KCND2: variants seen among roughly 807,000 people sequenced by gnomAD.
KCND2 encodes A-type voltage-gated potassium channel KCND2.
A neutral mutation model predicts 54.4 loss-of-function variants in KCND2; 16 were observed. The ratio of observed to expected loss-of-function variants is 0.29; its 90% CI spans 0.20 to 0.45. KCND2 has a LOEUF of 0.45. KCND2 is among the 20% of genes least tolerant of loss of function. The probability of loss-of-function intolerance (pLI) is 1.00; values close to 1 mark genes in which losing one functional copy is unlikely to be tolerated. For missense variants in KCND2, 486 were observed against 824.2 expected, an observed-to-expected ratio of 0.59 and a Z score of 5.02; for synonymous variants, 317 against 310.7, an observed-to-expected ratio of 1.02 and a Z score of -0.21.
intron 1 of KCND2, among the ~76,000 whole-genome samples, chr7:120,539,911 A>G (rs974493532): frequency 6.6e-6 from 1 of 152,194 alleles, no homozygotes; most frequent in Non-Finnish European, 1.5e-5. Flanking sequence ...TACAATAACT[A>G]GGTATCCCAG....
chr7:120,522,574 GT>G (rs1791712308), intron 1 of KCND2, among the ~76,000 whole-genome samples: 1 of 152,144 alleles, frequency 6.6e-6, no homozygotes, highest in African/African-American at 2.4e-5. Context: ...TGATTACCAT[GT>G]AAGTTGTTCA....
chr7:120,735,936 G>GA lies in KCND2; in HGVS notation c.1278+2879dup, dbSNP rs544746126. ...ATTTTCCTTCCCAAGAGATTAGGGG[G>GA]AAAAAAAAGCAGAACAAACGCCCAT... On this transcript the variant is annotated intron_variant, in intron 2 of 5. Transcript: ENST00000331113. 9.2e-5 allele frequency among the ~76,000 whole-genome samples: 14 copies of GA among 151,772 alleles called. No individual in the cohort carries two copies. In the South Asian group the frequency reaches 2.3e-3, roughly 25 times the overall value.
intron 1 of KCND2, among the ~76,000 whole-genome samples, chr7:120,580,264 C>T (rs1249037490): frequency 1.3e-5 from 2 of 152,300 alleles, no homozygotes; most frequent in African/African-American, 4.8e-5. Flanking sequence ...GAGAACAACT[C>T]GTTATCCAAC....
chr7:120,470,586 T>C (rs1188433912), intron 1 of KCND2, among the ~76,000 whole-genome samples: 1 of 152,066 alleles, frequency 6.6e-6, no homozygotes, highest in African/African-American at 2.4e-5. Flanking sequence ...ACTATCTGCT[T>C]TGTTGTTGTT....
At chr7:120,463,684 G>A (rs552823559) in intron 1 of KCND2, among the ~76,000 whole-genome samples, 3 of 152,070 alleles carry the variant, frequency 2.0e-5, no homozygotes, top group Admixed American at 6.6e-5. Context: ...AGCAAAGGAG[G>A]CATCTTTGAT....
intron 1 of KCND2, among the ~76,000 whole-genome samples, chr7:120,591,580 T>G (rs560748199): frequency 6.6e-6 from 1 of 152,228 alleles, no homozygotes; most frequent in South Asian, 2.1e-4. Context: ...GTACATGTAC[T>G]CAACTACCTT....
At chr7:120,551,883 A>G (rs191427709) in intron 1 of KCND2, among the ~76,000 whole-genome samples, 63 of 152,288 alleles carry the variant, frequency 4.1e-4, no homozygotes, top group African/African-American at 1.5e-3. Context: ...CTTTGCCTCT[A>G]GTAGCCTCTG....
At chr7:120,564,956 C>A (rs1173997774) in intron 1 of KCND2, among the ~76,000 whole-genome samples, 1 of 152,122 alleles carries the variant, frequency 6.6e-6, no homozygotes, top group Non-Finnish European at 1.5e-5. Context: ...TTGAATATAC[C>A]TACTCATGTA....
At chr7:120,503,641 G>C (rs1802970514) in intron 1 of KCND2, among the ~76,000 whole-genome samples, 1 of 151,778 alleles carries the variant, frequency 6.6e-6, no homozygotes, top group East Asian at 1.9e-4. Context: ...ATGAAAGCTT[G>C]CCCACGATTC....
chr7:120,323,300 A>T (rs1254217569), intron 1 of KCND2, among the ~76,000 whole-genome samples: 1 of 151,624 alleles, frequency 6.6e-6, no homozygotes, highest in Non-Finnish European at 1.5e-5. Flanking sequence ...TTATTTATTT[A>T]TTTTTTTATT....
At chr7:120,365,087 A>G (rs1326664326) in intron 1 of KCND2, among the ~76,000 whole-genome samples, 1 of 151,960 alleles carries the variant, frequency 6.6e-6, no homozygotes. Context: ...TGAGAAAGCC[A>G]AGGTAAAGTT....
At chr7:120,376,593 T>G (rs1402705957) in intron 1 of KCND2, among the ~76,000 whole-genome samples, 1 of 151,368 alleles carries the variant, frequency 6.6e-6, no homozygotes, top group Admixed American at 6.6e-5. Context: ...AAAATACATT[T>G]GCATTCTATT....
intron 1 of KCND2, among the ~76,000 whole-genome samples, chr7:120,731,816 G>A (rs1792810584): frequency 6.6e-6 from 1 of 152,160 alleles, no homozygotes; most frequent in African/African-American, 2.4e-5. Flanking sequence ...GCTAAGAGAT[G>A]AAACGTTGAT....
chr7:120,580,934 A>G (rs1792507075), intron 1 of KCND2, among the ~76,000 whole-genome samples: 1 of 152,220 alleles, frequency 6.6e-6, no homozygotes, highest in Non-Finnish European at 1.5e-5. Flanking sequence ...TCTTAAATTC[A>G]GTAGAAAACT....
intron 1 of KCND2, among the ~76,000 whole-genome samples, chr7:120,381,528 G>A (rs1800915218): frequency 6.6e-6 from 1 of 151,862 alleles, no homozygotes; most frequent in African/African-American, 2.4e-5. Context: ...TTTTTAATTT[G>A]ATATAATGTG....
chr7:120,644,754 G>A (rs1793417703), intron 1 of KCND2, among the ~76,000 whole-genome samples: 1 of 152,074 alleles, frequency 6.6e-6, no homozygotes, highest in Non-Finnish European at 1.5e-5. Flanking sequence ...ATATTAATTA[G>A]GAATATATTT....
rs575034320 is a variant in KCND2 at position 120,686,123 on chromosome 7, A to G, written c.1116-46780A>G. Reference sequence around the variant, plus strand: ...TATGTTTGTGTTTCTGGCACCCCACATAAGAACCCGGATTCTAAATTTAGA... The same window carrying G: ...TATGTTTGTGTTTCTGGCACCCCACGTAAGAACCCGGATTCTAAATTTAGA... On this transcript the variant is annotated intron_variant, in intron 1 of 5. Coordinates refer to ENST00000331113, the MANE Select transcript of KCND2 (RefSeq NM_012281.3). Among the ~76,000 whole-genome samples the G allele has an allele frequency of 3.3e-5, 5 of 152,310 alleles. No individual in the cohort carries two copies. In the South Asian group the frequency reaches 1.0e-3, roughly 32 times the overall value.
At chr7:120,556,193 T>C (rs1156768064) in intron 1 of KCND2, among the ~76,000 whole-genome samples, 1 of 152,182 alleles carries the variant, frequency 6.6e-6, no homozygotes, top group African/African-American at 2.4e-5. Context: ...TTTATTGCCC[T>C]TCCGTCTCTC....
chr7:120,695,268 T>G (rs1323431797), intron 1 of KCND2, among the ~76,000 whole-genome samples: 1 of 151,698 alleles, frequency 6.6e-6, no homozygotes, highest in Non-Finnish European at 1.5e-5. Context: ...GTTTTATATA[T>G]GTATCCCATA....
Sources: gnomAD v4.1 joint callset for allele counts (sites outside exome capture counted in the v4.1 genomes callset) on GRCh38, gnomAD v4.1.1 for gene constraint, MANE v1.5 for transcripts, NCBI Gene and HGNC (gene_info 2026-07-23, HGNC 2026-07-21) for gene names.